The following DCTN4 variants were observed in gnomAD, a reference collection of about 807,000 sequenced individuals.
DCTN4 encodes the protein dynactin 4 (p62).
A neutral mutation model predicts 62.7 loss-of-function variants in DCTN4; 23 were observed. The ratio of observed to expected loss-of-function variants is 0.37; its 90% CI spans 0.26 to 0.52. The LOEUF is 0.52. Among genes scored for constraint, DCTN4 ranks in the 20% least tolerant of loss-of-function variants. The pLI is 0.92. For synonymous variants in DCTN4, 199 were observed against 202.1 expected, an observed-to-expected ratio of 0.98 and a Z score of 0.13; for missense variants, 514 against 580.4, an observed-to-expected ratio of 0.89 and a Z score of 1.18.
At chr5:150,744,755 C>A (rs1760899216) in intron 3 of DCTN4, among the ~76,000 whole-genome samples, 3 of 151,966 alleles carry the variant, frequency 2.0e-5, no homozygotes, top group Admixed American at 6.5e-5. Context: ...GATTTTGTCG[C>A]CACCAGGCCT....
chr5:150,748,358 C>A (rs977123366), intron 3 of DCTN4, among the ~76,000 whole-genome samples: 15 of 151,998 alleles, frequency 9.9e-5, no homozygotes, highest in Non-Finnish European at 2.1e-4. Context: ...ACTAGTTCAA[C>A]CGTTGTGGAA....
intron 3 of DCTN4, among the ~76,000 whole-genome samples, chr5:150,749,063 A>G (rs1752574360): frequency 6.6e-6 from 1 of 152,194 alleles, no homozygotes; most frequent in Admixed American, 6.5e-5. Context: ...TTTTTTTAAT[A>G]GGACACAAAA....
chr5:150,751,191 C>T (rs953089255), intron 3 of DCTN4, among the ~76,000 whole-genome samples: 2 of 151,986 alleles, frequency 1.3e-5, no homozygotes, highest in African/African-American at 4.8e-5. Flanking sequence ...CAGACAAGTA[C>T]TTATAAATAA....
rs1554116330 is a variant in DCTN4, at chr5:150,708,816, T to A, written c.*2333A>T. 2 of 152,830 alleles carry A rather than the reference T, an allele frequency of 1.3e-5. No homozygotes were observed. The highest frequency in any genetic ancestry group is 1.5e-5 in the Non-Finnish European group (1 of 68,050). The allele number at this position is 152,830 out of a possible 1,614,324, so 9.5% of individuals were successfully genotyped here. ...AGGCAAAACAGTAACCTGTCATTCA[T>A]AAAGATCAAGGAGTACCTCTCTGTC... On this transcript the variant is annotated 3_prime_UTR_variant, in exon 13 of 13. Transcript: ENST00000447998.
chr5:150,741,226 TTC>T (rs1399282981), intron 4 of DCTN4, among the ~76,000 whole-genome samples: 1 of 150,386 alleles, frequency 6.6e-6, no homozygotes, highest in Non-Finnish European at 1.5e-5. Context: ...AAAGCAAAAC[TTC>T]TCTTTTATCC....
chr5:150,745,134 T>C (rs1459966942), intron 3 of DCTN4, among the ~76,000 whole-genome samples: 1 of 150,448 alleles, frequency 6.6e-6, no homozygotes, highest in African/African-American at 2.5e-5. Flanking sequence ...AGGCAGGGGT[T>C]GCAATCCTAG....
chr5:150,741,746 T>C (rs949211164), intron 4 of DCTN4, among the ~76,000 whole-genome samples: 1 of 151,570 alleles, frequency 6.6e-6, no homozygotes, highest in African/African-American at 2.4e-5. Context: ...CCTCCCAAAG[T>C]ATTGGGATTA....
chr5:150,715,564 C>T lies in DCTN4; in HGVS notation c.1169+1G>A. The T allele has an allele frequency of 6.2e-7, 1 of 1,612,986 alleles. No individual in the cohort carries two copies. Among genetic ancestry groups the T allele is most frequent in the Non-Finnish European group, 8.5e-7 (1 of 1,179,028 alleles). ...ATGGGGATCACAAAAAGATCACTCA[C>T]TCAGGATCGTCCTGAAAGTCTTGAG... On this transcript the variant is annotated splice_donor_variant, in intron 12 of 12. Coordinates refer to ENST00000447998, the MANE Select transcript of DCTN4 (RefSeq NM_016221.4). LOFTEE classifies it high-confidence loss of function.
At chr5:150,711,385 G>T (rs1251107072) in intron 12 of DCTN4, 23 bp from the exon 13 acceptor site, 1 of 1,589,754 alleles carries the variant, frequency 6.3e-7, no homozygotes, top group Non-Finnish European at 8.6e-7. Flanking sequence ...AAAAAAGCAA[G>T]TATTAGGTAG....
intron 3 of DCTN4, 90 bp downstream of exon 3, chr5:150,753,389 C>G: frequency 8.5e-7 from 1 of 1,174,542 alleles, no homozygotes; most frequent in Non-Finnish European, 1.2e-6. Flanking sequence ...TAGCTCCTAT[C>G]GCCCCAACGG....
chr5:150,732,165 T>C (rs894049842), intron 5 of DCTN4, among the ~76,000 whole-genome samples: 6 of 152,220 alleles, frequency 3.9e-5, no homozygotes, highest in African/African-American at 1.4e-4. Flanking sequence ...CTAGATTTTT[T>C]TTGAGACAGA....
At chr5:150,718,449 G>C (rs1038878550) in intron 10 of DCTN4, 66 bp from the exon 11 acceptor site, 2 of 1,098,138 alleles carry the variant, frequency 1.8e-6, no homozygotes, top group Admixed American at 2.1e-5. Flanking sequence ...CGAATATTTC[G>C]CAAAATTACC....
chr5:150,735,061 C>A (rs537509785), intron 4 of DCTN4, among the ~76,000 whole-genome samples: 25 of 152,332 alleles, frequency 1.6e-4, no homozygotes, highest in African/African-American at 5.3e-4. Context: ...TAGCCCAAGA[C>A]AAAAGACTGT....
At chr5:150,735,047 C>T (rs1760525558) in intron 4 of DCTN4, among the ~76,000 whole-genome samples, 1 of 152,196 alleles carries the variant, frequency 6.6e-6, no homozygotes, top group Non-Finnish European at 1.5e-5. Flanking sequence ...TCTACCTGCC[C>T]TGGTAGCCCA....
At chr5:150,734,661 A>T (rs1359318189) in intron 4 of DCTN4, among the ~76,000 whole-genome samples, 1 of 152,208 alleles carries the variant, frequency 6.6e-6, no homozygotes, top group Non-Finnish European at 1.5e-5. Flanking sequence ...GGAAGGCGTA[A>T]AGGGGAAGTA....
Position 150,756,487 on chromosome 5 carries a change from C to T in DCTN4, c.136G>A (p.Val46Met). The T allele has an allele frequency of 6.3e-7, 1 of 1,581,792 alleles. No homozygotes were observed. Among genetic ancestry groups the T allele is most frequent in the Non-Finnish European group, 8.6e-7 (1 of 1,166,510 alleles). ...LRSLECVSHE[V>M]DSHYCPSCLE... ...CAACTGGGACAATAATGGGAGTCCA[C>T]CTAGGAGGAAACAAGAAAGAAAAAA... The change falls in exon 2 of 13, where the codon GTG becomes ATG. Residue 46 changes from valine (V) to methionine (M), a missense_variant and splice_region_variant. By Grantham distance (21) the Val-to-Met change is conservative. Transcript: ENST00000447998.
intron 3 of DCTN4, among the ~76,000 whole-genome samples, chr5:150,743,882 C>G (rs766790896): frequency 1.5e-4 from 23 of 152,290 alleles, no homozygotes; most frequent in Non-Finnish European, 2.9e-4. Flanking sequence ...AAGCAGAGCA[C>G]CTCTCCTCCT....
At chr5:150,757,966 T>C in intron 1 of DCTN4, 1 of 707,956 alleles carries the variant, frequency 1.4e-6, no homozygotes, top group Non-Finnish European at 1.7e-6. Context: ...AAAAATTTTT[T>C]AAAAAAAGTA....
At position 150,745,649 on chromosome 5, in the gene DCTN4, G is replaced by T. The variant is rs867580690; in HGVS notation, c.386-3492C>A. Among the ~76,000 whole-genome samples the T allele has an allele frequency of 2.5e-4, 38 of 152,184 alleles. No individual in the cohort carries two copies. The East Asian group carries it at 3.7e-3, about 15-fold the overall frequency. ...AGGATTAAGAAACTCACTCAAAACC[G>T]TTCAACTACATGGAAACTGAACAAC... On this transcript the variant is annotated intron_variant, in intron 3 of 12. Transcript: ENST00000447998.
Sources: allele counts gnomAD v4.1 joint callset (sites outside exome capture counted in the v4.1 genomes callset), GRCh38; gene constraint gnomAD v4.1.1; transcripts MANE v1.5; gene names NCBI Gene and HGNC (gene_info 2026-07-23, HGNC 2026-07-21).